The following SATL1 variants were observed in gnomAD, a reference collection of about 807,000 sequenced individuals.
SATL1 encodes spermidine/spermine N(1)-acetyltransferase-like protein 1.
In SATL1, 47 loss-of-function variants were observed where a neutral mutation model predicts 51.8. The observed-to-expected ratio is 0.91, with a 90% CI of 0.72 to 1.16. The LOEUF is 1.16. Among genes scored for constraint, SATL1 ranks in the 50% most tolerant of loss-of-function variants. SATL1 has a pLI of 0.00. For missense variants in SATL1, 520 were observed against 526.4 expected (o/e 0.99, Z 0.12); for synonymous variants, 176 against 182.4 (o/e 0.97, Z 0.28).
chrX:85,158,422 A>C (rs1329599535), intron 2 of SATL1, among the ~76,000 whole-genome samples: 2 of 111,993 alleles, frequency 1.8e-5, no homozygotes, highest in South Asian at 3.7e-4. Context: ...AATCTTTGAC[A>C]GAAAGGGGTG....
chrX:85,238,237 A>G (rs183344234), intron 1 of SATL1, among the ~76,000 whole-genome samples: 1 of 111,896 alleles, frequency 8.9e-6, no homozygotes, highest in East Asian at 2.8e-4. Context: ...GGAATTCAGT[A>G]TATTGAAGAG....
At chrX:85,156,813 TTATATATATATATATATATATATA>T (rs71933802) in intron 2 of SATL1, among the ~76,000 whole-genome samples, 1,567 of 62,221 alleles carry the variant, frequency 0.025, 52 homozygotes, top group South Asian at 0.07. Flanking sequence ...CATGTGGAGA[TTATATATATATATATATATATATA>T]TATATATATA....
chrX:85,143,056 G>A (rs1926147383), intron 2 of SATL1: 1 of 111,684 alleles, frequency 9.0e-6, no homozygotes. Flanking sequence ...AGCAGGGTTG[G>A]AAAATGTATT....
intron 2 of SATL1, among the ~76,000 whole-genome samples, chrX:85,190,686 C>T (rs1205667253): frequency 6.3e-5 from 7 of 111,228 alleles, no homozygotes; most frequent in Non-Finnish European, 9.4e-5. Flanking sequence ...TATAAAATAA[C>T]GAGGCCAATT....
intron 2 of SATL1, among the ~76,000 whole-genome samples, chrX:85,111,757 T>C (rs1925265311): frequency 8.9e-6 from 1 of 112,213 alleles, no homozygotes; most frequent in African/African-American, 3.2e-5. Context: ...AACTTCAAAA[T>C]GTACATGCAT....
At chrX:85,170,147 G>A (rs952763052) in intron 2 of SATL1, among the ~76,000 whole-genome samples, 8 of 111,040 alleles carry the variant, frequency 7.2e-5, no homozygotes, top group Non-Finnish European at 1.5e-4. Flanking sequence ...TGGGACAAGG[G>A]AGAGGATCAG....
At chrX:85,140,652 C>T (rs762006286) in intron 2 of SATL1, among the ~76,000 whole-genome samples, 2 of 112,108 alleles carry the variant, frequency 1.8e-5, no homozygotes, top group Non-Finnish European at 3.8e-5. Context: ...CCCCCTTATA[C>T]AATCAATTCA....
intron 2 of SATL1, among the ~76,000 whole-genome samples, chrX:85,165,848 G>C (rs1244097736): frequency 9.0e-6 from 1 of 111,526 alleles, no homozygotes; most frequent in Non-Finnish European, 1.9e-5. Flanking sequence ...AACAAATCTA[G>C]AGGCATCACA....
intron 2 of SATL1, among the ~76,000 whole-genome samples, chrX:85,182,135 T>C (rs1388776807): frequency 9.0e-6 from 1 of 111,454 alleles, no homozygotes; most frequent in African/African-American, 3.3e-5. Context: ...TGAAACTATA[T>C]ATTGTTGTTA....
chrX:85,201,714 G>T (rs1409352255), intron 2 of SATL1, among the ~76,000 whole-genome samples: 1 of 111,403 alleles, frequency 9.0e-6, no homozygotes, highest in Admixed American at 9.6e-5. Context: ...AGAACATGCG[G>T]TATTTGGTTT....
Position 85,231,553 on chromosome X carries a change from C to T in SATL1, c.-434-7227G>A, listed in dbSNP as rs368229613. Reference sequence around the variant, plus strand: ...CACTGAAGAAGGTAGGAAAAACAGTCTTCAATTCCCAATGCCACCACTCCT... The same window carrying T: ...CACTGAAGAAGGTAGGAAAAACAGTTTTCAATTCCCAATGCCACCACTCCT... On this transcript the variant is annotated intron_variant, in intron 1 of 7. Coordinates refer to ENST00000644105, the MANE Select transcript of SATL1 (RefSeq NM_001367857.2). Among the ~76,000 whole-genome samples, 5 of 112,465 alleles carry T rather than the reference C, an allele frequency of 4.4e-5. No homozygotes were observed. In the South Asian group the frequency reaches 1.5e-3, roughly 33 times the overall value.
Position 85,152,153 on chromosome X carries a change from G to A in SATL1, c.-312-42873C>T, listed in dbSNP as rs778524895. Among the ~76,000 whole-genome samples the A allele has an allele frequency of 4.1e-3, 461 of 111,616 alleles. 2 individuals carry two copies. The highest frequency in any genetic ancestry group is 0.014 in the African/African-American group (421 of 30,723). On this transcript the variant is annotated intron_variant, in intron 2 of 7. Coordinates refer to ENST00000644105, the MANE Select transcript of SATL1 (RefSeq NM_001367857.2). The stretch of plus-strand genomic sequence containing the variant: ...CAAACAATCCCATCAAAATGTGGGC[G>A]AAGGATATGAACAGACACTTCTCAA...
At chrX:85,185,369 T>C (rs1851581222) in intron 2 of SATL1, among the ~76,000 whole-genome samples, 1 of 112,666 alleles carries the variant, frequency 8.9e-6, no homozygotes, top group African/African-American at 3.2e-5. Flanking sequence ...GGCTCTACAA[T>C]TAGCAGGTGG....
At chrX:85,225,764 T>G (rs1048003116) in intron 1 of SATL1, among the ~76,000 whole-genome samples, 4 of 111,806 alleles carry the variant, frequency 3.6e-5, no homozygotes, top group African/African-American at 1.3e-4. Flanking sequence ...CGTTCTCCTT[T>G]AGTGGTAGTC....
chrX:85,220,535 G>A (rs189679524), intron 2 of SATL1, among the ~76,000 whole-genome samples: 321 of 105,451 alleles, frequency 3.0e-3, no homozygotes, highest in South Asian at 5.3e-3. Context: ...GAATGTAGAG[G>A]ACTTTGTCTT....
At chrX:85,191,130 T>TA (rs1266239999) in intron 2 of SATL1, among the ~76,000 whole-genome samples, 1 of 108,255 alleles carries the variant, frequency 9.2e-6, no homozygotes, top group Non-Finnish European at 1.9e-5. Flanking sequence ...ATAATAATAA[T>TA]AAAAAATGAT....
intron 2 of SATL1, among the ~76,000 whole-genome samples, chrX:85,159,442 C>T (rs1926666495): frequency 9.1e-6 from 1 of 110,349 alleles, no homozygotes; most frequent in Admixed American, 9.7e-5. Flanking sequence ...AGGTTGCATG[C>T]TCCTTATGAG....
chrX:85,196,973 A>C (rs1382962971), intron 2 of SATL1, among the ~76,000 whole-genome samples: 1 of 112,008 alleles, frequency 8.9e-6, no homozygotes, highest in East Asian at 2.8e-4. Context: ...CATAACTGAT[A>C]AAAGGAAAAA....
chrX:85,169,958 T>G (rs780327791), intron 2 of SATL1, among the ~76,000 whole-genome samples: 1 of 111,514 alleles, frequency 9.0e-6, no homozygotes, highest in African/African-American at 3.2e-5. Flanking sequence ...AGAACAAGAT[T>G]ATCATCCAGG....
Sources: gnomAD v4.1 joint callset for allele counts (sites outside exome capture counted in the v4.1 genomes callset) on GRCh38, gnomAD v4.1.1 for gene constraint, MANE v1.5 for transcripts, NCBI Gene and HGNC (gene_info 2026-07-23, HGNC 2026-07-21) for gene names.